BRCA1: variants seen among roughly 807,000 people sequenced by gnomAD.
The protein encoded by BRCA1 is breast cancer type 1 susceptibility protein.
A neutral mutation model predicts 173.7 loss-of-function variants in BRCA1; 140 were observed. That is an observed-to-expected ratio of 0.81 (90% confidence interval 0.70 to 0.93). BRCA1 has a LOEUF of 0.93. BRCA1 is among the 40% of genes least tolerant of loss of function. The pLI is 0.00. For missense variants in BRCA1, 1,983 were observed against 2,172.5 expected (o/e 0.91, Z 1.73); for synonymous variants, 662 against 756.0 (o/e 0.88, Z 2.04).
At chr17:43,065,794 C>T (rs901336046) in intron 16 of BRCA1, among the ~76,000 whole-genome samples, 1 of 152,228 alleles carries the variant, frequency 6.6e-6, no homozygotes, top group Non-Finnish European at 1.5e-5. Flanking sequence ...CCTCCATGCA[C>T]TCGTCTGCTT....
At position 43,099,848 on chromosome 17, in the gene BRCA1, G is replaced by A. The variant is rs2054302112; in HGVS notation, c.474C>T (p.Asn158=). 6.2e-7 allele frequency: 1 copy of A among 1,613,596 alleles called. No individual in the cohort carries two copies. The highest frequency in any genetic ancestry group is 1.7e-5 in the Admixed American group (1 of 59,988). ...TCCTCAGAGTTCTCACAGTTCCAAGGTTAGAGAGTTGGACACTGAGACTGG... is the reference window on the plus strand; with the variant it reads ...TCCTCAGAGTTCTCACAGTTCCAAGATTAGAGAGTTGGACACTGAGACTGG... ...QETSLSVQLS[N]LGTVRTLRTK... Residue 158 remains asparagine (N), a synonymous_variant, in exon 7 of 23, where the codon AAC becomes AAT. Coordinates refer to ENST00000357654, the MANE Select transcript of BRCA1 (RefSeq NM_007294.4).
At position 43,094,707 on chromosome 17, in the gene BRCA1, C is replaced by T. The variant is rs397509327; in HGVS notation, c.824G>A (p.Gly275Asp). The T allele has an allele frequency of 3.5e-5, 57 of 1,611,772 alleles. No individual in the cohort carries two copies. In the East Asian group the frequency reaches 1.3e-3, roughly 36 times the overall value. ...TAATGAGCTGGCATGAGTATTTGTG[C>T]CACATGGCTCCACATGCAAGTTTGA... ...SVSNLHVEPCGTNTHASSLQH... is the reference protein window; with the variant it reads ...SVSNLHVEPCDTNTHASSLQH... The change falls in exon 10 of 23, where the codon GGC becomes GAC. Residue 275 changes from glycine (G) to aspartate (D), a missense_variant. Gly to Asp is a moderately conservative substitution (Grantham distance 94). Transcript: ENST00000357654.
chr17:43,126,621 G>A (rs1010392047), upstream of BRCA1, among the ~76,000 whole-genome samples: 1 of 152,222 alleles, frequency 6.6e-6, no homozygotes, highest in Admixed American at 6.5e-5. Context: ...CTGAGGGACC[G>A]AGTGGGCGAA....
intron 18 of BRCA1, 51 bp from the exon 19 acceptor site, chr17:43,057,186 T>G (rs920642854): frequency 6.4e-7 from 1 of 1,570,022 alleles, no homozygotes; most frequent in Admixed American, 1.7e-5. Context: ...AGAAGCTTCC[T>G]TCAATGGAAG....
intron 1 of BRCA1, among the ~76,000 whole-genome samples, chr17:43,147,188 C>T (rs113195644): frequency 7.2e-5 from 11 of 151,726 alleles, no homozygotes; most frequent in Non-Finnish European, 1.2e-4. Context: ...TTAGTAGCGA[C>T]GGGGTTTCTT....
chr17:43,075,526 T>C (rs1490131110), intron 13 of BRCA1, among the ~76,000 whole-genome samples: 5 of 152,122 alleles, frequency 3.3e-5, no homozygotes, highest in South Asian at 4.1e-4. Flanking sequence ...GCCCCCTGGA[T>C]TGAAGATGGG....
chr17:43,111,789 T>G (rs1482422515), intron 3 of BRCA1, among the ~76,000 whole-genome samples: 1 of 152,000 alleles, frequency 6.6e-6, no homozygotes, highest in East Asian at 1.9e-4. Flanking sequence ...ACCACCGCAC[T>G]CCAGCCTGGG....
In BRCA1 at chr17:43,060,065, C is replaced by T. The variant is rs149736042; in HGVS notation, c.5194-2930G>A. Reference sequence around the variant, plus strand: ...TGATTACAGGCACATGCCACCATTCCCAGCTAATTTTTTTTTGTTTTTGAG... The same window carrying T: ...TGATTACAGGCACATGCCACCATTCTCAGCTAATTTTTTTTTGTTTTTGAG... On this transcript the variant is annotated intron_variant, in intron 18 of 22. Transcript: ENST00000357654. Among the ~76,000 whole-genome samples, 32 of 152,144 alleles carry T rather than the reference C, an allele frequency of 2.1e-4. No homozygotes were observed. The East Asian group carries it at 6.2e-3, about 29-fold the overall frequency.
intron 3 of BRCA1, among the ~76,000 whole-genome samples, chr17:43,107,189 C>T (rs1375662328): frequency 1.3e-5 from 2 of 151,516 alleles, no homozygotes; most frequent in African/African-American, 2.4e-5. Flanking sequence ...CTCAGCCTCC[C>T]GAGCAGCTGG....
At position 43,095,846 on chromosome 17, in the gene BRCA1, C is replaced by A. The variant is rs431825419; in HGVS notation, c.670G>T (p.Ala224Ser). 6.2e-7 allele frequency: 1 copy of A among 1,612,828 alleles called. No homozygotes were observed. ...DEISLDSAKK[A>S]ACEFSETDVT... ...TTAAGTTGGCAAACTTTGCCATTACCCTTTTTTGCAGAATCCAAACTGATT... is the reference window on the plus strand; with the variant it reads ...TTAAGTTGGCAAACTTTGCCATTACACTTTTTTGCAGAATCCAAACTGATT... The change falls in exon 9 of 23, where the codon GCT becomes TCT. Residue 224 changes from alanine (A) to serine (S), a missense_variant and splice_region_variant. Transcript: ENST00000357654.
At chr17:43,083,678 A>G (rs542045501) in intron 11 of BRCA1, among the ~76,000 whole-genome samples, 36 of 152,280 alleles carry the variant, frequency 2.4e-4, no homozygotes, top group African/African-American at 8.4e-4. Flanking sequence ...AGGATCCAAC[A>G]GAAAGAGCCC....
chr17:43,096,317 C>A (rs1024896211), intron 8 of BRCA1, among the ~76,000 whole-genome samples: 2 of 136,710 alleles, frequency 1.5e-5, no homozygotes, highest in Non-Finnish European at 3.0e-5. Context: ...GCAGACGTTG[C>A]GGAGAGGTGA....
At chr17:43,076,640 C>G (rs2154075003) in intron 12 of BRCA1, 26 bp from the exon 13 acceptor site, 1 of 1,610,494 alleles carries the variant, frequency 6.2e-7, no homozygotes, top group Non-Finnish European at 8.5e-7. Context: ...GAAAACAAAT[C>G]TACTTTACTG....
intron 16 of BRCA1, among the ~76,000 whole-genome samples, chr17:43,065,013 C>G (rs180922283): frequency 3.9e-4 from 59 of 151,762 alleles, no homozygotes; most frequent in Middle Eastern, 3.4e-3. Context: ...TGTATTTTTA[C>G]TAGAGATGGG....
At chr17:43,059,516 A>AAC (rs1567766274) in intron 18 of BRCA1, among the ~76,000 whole-genome samples, 7 of 127,174 alleles carry the variant, frequency 5.5e-5, no homozygotes, top group Admixed American at 7.4e-5. Context: ...ACAACAACAA[A>AAC]TTCTCACATC....
At chr17:43,100,668 A>AT (rs1179628037) in intron 6 of BRCA1, among the ~76,000 whole-genome samples, 3,719 of 24,326 alleles carry the variant, frequency 0.15, 1,013 homozygotes, top group African/African-American at 0.47. Context: ...ATATATATAT[A>AT]TATATATATA....
intron 1 of BRCA1, chr17:43,138,949 C>A: frequency 1.3e-6 from 1 of 778,798 alleles, no homozygotes; most frequent in Non-Finnish European, 2.4e-6. Context: ...GCCAGTGGTA[C>A]AACCCCCTCC....
At chr17:43,086,746 G>T (rs1237026568) in intron 11 of BRCA1, among the ~76,000 whole-genome samples, 1 of 152,146 alleles carries the variant, frequency 6.6e-6, no homozygotes, top group Non-Finnish European at 1.5e-5. Flanking sequence ...TAGATGATGG[G>T]TATATTGACA....
intron 8 of BRCA1, 45 bp from the exon 9 acceptor site, chr17:43,095,967 G>T: frequency 6.8e-7 from 1 of 1,471,358 alleles, no homozygotes; most frequent in Non-Finnish European, 9.5e-7. Context: ...CTAGTTACAT[G>T]TATGCAGAAC....
Sources: gnomAD v4.1 joint callset for allele counts (sites outside exome capture counted in the v4.1 genomes callset) on GRCh38, gnomAD v4.1.1 for gene constraint, MANE v1.5 for transcripts, NCBI Gene and HGNC (gene_info 2026-07-23, HGNC 2026-07-21) for gene names.